The following TCF4 variants were observed in gnomAD, a reference collection of about 807,000 sequenced individuals.
TCF4 encodes SL3-3 enhancer factor 2.
In TCF4, 3 loss-of-function variants were observed where a neutral mutation model predicts 82.1. The ratio of observed to expected loss-of-function variants is 0.04; its 90% confidence interval spans 0.02 to 0.09. The LOEUF (loss-of-function observed/expected upper bound fraction) is 0.09, where lower values mean the gene tolerates loss of function less well. TCF4 is among the 10% of genes least tolerant of loss of function. The pLI is 1.00. For missense variants in TCF4, 518 were observed against 852.7 expected, an observed-to-expected ratio of 0.61 and a Z score of 4.89; for synonymous variants, 276 against 309.6, an observed-to-expected ratio of 0.89 and a Z score of 1.14.
chr18:55,276,449 C>T (rs530899941), intron 9 of TCF4, among the ~76,000 whole-genome samples: 4 of 152,188 alleles, frequency 2.6e-5, no homozygotes, highest in East Asian at 1.9e-4. Flanking sequence ...TTTTATAAAA[C>T]GATTTATGAA....
At chr18:55,232,355 G>A (rs1044082151) in intron 17 of TCF4, 154 bp downstream of exon 17, 3 of 788,104 alleles carry the variant, frequency 3.8e-6, no homozygotes, top group African/African-American at 1.7e-5. Flanking sequence ...TATCTGAAAC[G>A]ATACTTTTAG....
intron 3 of TCF4, among the ~76,000 whole-genome samples, chr18:55,491,619 G>A (rs1216579862): frequency 6.6e-6 from 1 of 152,136 alleles, no homozygotes; most frequent in Non-Finnish European, 1.5e-5. Flanking sequence ...AGGATCAAGT[G>A]TTATGTTTTC....
chr18:55,584,551 C>A (rs930330217), intron 3 of TCF4, among the ~76,000 whole-genome samples: 1 of 151,958 alleles, frequency 6.6e-6, no homozygotes, highest in African/African-American at 2.4e-5. Flanking sequence ...GTAATAAACC[C>A]CTCCTTAGAT....
chr18:55,292,800 A>C (rs756363958), intron 8 of TCF4, among the ~76,000 whole-genome samples: 1 of 150,280 alleles, frequency 6.7e-6, no homozygotes, highest in Non-Finnish European at 1.5e-5. Context: ...ATATACACAT[A>C]CACACATCCA....
intron 8 of TCF4, among the ~76,000 whole-genome samples, chr18:55,298,908 C>T (rs1388599137): frequency 1.3e-5 from 2 of 152,106 alleles, no homozygotes; most frequent in Non-Finnish European, 1.5e-5. Context: ...CATTCAGTAA[C>T]CATTATAAAG....
At chr18:55,423,020 C>G (rs958381076) in intron 5 of TCF4, among the ~76,000 whole-genome samples, 9 of 151,582 alleles carry the variant, frequency 5.9e-5, no homozygotes, top group Admixed American at 5.3e-4. Context: ...CACACACACA[C>G]GCACACACAG....
upstream of TCF4, among the ~76,000 whole-genome samples, chr18:55,591,987 T>G (rs747950366): frequency 4.6e-5 from 7 of 152,184 alleles, no homozygotes; most frequent in Non-Finnish European, 1.0e-4. Context: ...CAGGGACAAA[T>G]GTGGGTGTTT....
chr18:55,633,250 G>T lies in TCF4; in HGVS notation c.196-1862C>A, dbSNP rs2148007794. ...TTCCTCTAAAGGATTGACCAAGCCT[G>T]CAGTATCAGCTTCTAAGGTGGCTCC... On this transcript the variant is annotated intron_variant, in intron 1 of 20. Transcript: ENST00000398339. This position sits in a 1 kb window ranked among gnomAD's most constrained non-coding sequence, Gnocchi z 4.0. 6.6e-6 allele frequency among the ~76,000 whole-genome samples: 1 copy of T among 152,302 alleles called. No homozygotes were observed.
chr18:55,621,755 AATT>A (rs1350764022), intron 2 of TCF4, among the ~76,000 whole-genome samples: 6 of 92,164 alleles, frequency 6.5e-5, no homozygotes, highest in Admixed American at 1.9e-4. Flanking sequence ...TTATAATTAT[AATT>A]ATAACATATA....
rs2046068499 is a variant in TCF4, at chr18:55,222,971, T to C, written c.*5064A>G. On this transcript the variant is annotated 3_prime_UTR_variant, in exon 20 of 20. Coordinates refer to ENST00000354452, the MANE Select transcript of TCF4 (RefSeq NM_001083962.2). Reference sequence around the variant, plus strand: ...ATAAATACAGTGTTAATATTAACTGTAGTTAACAATATTCAGCTTTTAACA... The same window carrying C: ...ATAAATACAGTGTTAATATTAACTGCAGTTAACAATATTCAGCTTTTAACA... 1 of 152,600 alleles carries C rather than the reference T, an allele frequency of 6.6e-6. No individual in the cohort carries two copies. The highest frequency in any genetic ancestry group is 2.1e-4 in the South Asian group (1 of 4,830). 9.5% of individuals were successfully genotyped at this position (152,600 alleles called of 1,614,324 possible).
intron 3 of TCF4, among the ~76,000 whole-genome samples, chr18:55,503,087 G>C (rs1160229789): frequency 1.3e-5 from 2 of 152,132 alleles, no homozygotes; most frequent in Non-Finnish European, 2.9e-5. Context: ...TTAGTTACTA[G>C]TGCAACATTA....
intron 8 of TCF4, among the ~76,000 whole-genome samples, chr18:55,306,611 G>A (rs1287304029): frequency 6.6e-6 from 1 of 152,188 alleles, no homozygotes. Flanking sequence ...GCATGAAAGA[G>A]GTGTCTGGTG....
chr18:55,474,468 A>T (rs1198153575), intron 3 of TCF4, among the ~76,000 whole-genome samples: 1 of 152,102 alleles, frequency 6.6e-6, no homozygotes, highest in Admixed American at 6.5e-5. Flanking sequence ...ATAAATTTCC[A>T]CTCTTTCAAT....
intron 3 of TCF4, among the ~76,000 whole-genome samples, chr18:55,578,870 A>G (rs139591369): frequency 6.6e-6 from 1 of 152,186 alleles, no homozygotes; most frequent in East Asian, 1.9e-4. Context: ...ATTGTCACAC[A>G]AAAGTACAAA....
intron 5 of TCF4, among the ~76,000 whole-genome samples, chr18:55,449,549 G>A (rs1267785182): frequency 6.6e-6 from 1 of 152,166 alleles, no homozygotes; most frequent in Non-Finnish European, 1.5e-5. Flanking sequence ...CACATAAAGA[G>A]TTTATGCTTA....
At chr18:55,635,517 A>T (rs2097735477) in intron 1 of TCF4, among the ~76,000 whole-genome samples, 1 of 152,064 alleles carries the variant, frequency 6.6e-6, no homozygotes. Flanking sequence ...TCAAAAAAAA[A>T]AAAAGAAAAG....
chr18:55,401,657 T>C (rs979898416), intron 6 of TCF4: 49 of 988,854 alleles, frequency 5.0e-5, no homozygotes, highest in Non-Finnish European at 3.7e-5. Context: ...GAAAGGAGGG[T>C]CTGTGTTCTG....
At position 55,562,760 on chromosome 18, in the gene TCF4, TA is replaced by T. The variant is rs1267394487; in HGVS notation, c.145+22519del. Reference sequence around the variant, plus strand: ...TATTTTTCTTTATAAATAATTAACTTAAAAAAATAAACAACTTAGCCTTCTA... The same window carrying T: ...TATTTTTCTTTATAAATAATTAACTTAAAAAATAAACAACTTAGCCTTCTA... On this transcript the variant is annotated intron_variant, in intron 3 of 19. Transcript: ENST00000354452. Among the ~76,000 whole-genome samples the T allele has an allele frequency of 3.9e-5, 6 of 152,204 alleles. No individual in the cohort carries two copies. In the East Asian group the frequency reaches 7.7e-4, roughly 19 times the overall value.
intron 3 of TCF4, among the ~76,000 whole-genome samples, chr18:55,495,235 C>T (rs1302612545): frequency 6.6e-6 from 1 of 151,336 alleles, no homozygotes; most frequent in Non-Finnish European, 1.5e-5. Flanking sequence ...GAATCAAAAG[C>T]CAGAACTAAA....
Sources: gnomAD v4.1 joint callset for allele counts (sites outside exome capture counted in the v4.1 genomes callset) on GRCh38, gnomAD v4.1.1 for gene constraint, Gnocchi (gnomAD v3.1) non-coding constraint, MANE v1.5 for transcripts, NCBI Gene and HGNC (gene_info 2026-07-23, HGNC 2026-07-21) for gene names.